RABGAP1L: variants seen among roughly 807,000 people sequenced by gnomAD.
RABGAP1L encodes RAB GTPase activating protein 1 like, also known as rab GTPase-activating protein 1-like.
In RABGAP1L, 63 loss-of-function variants were observed where a neutral mutation model predicts 137.7. The observed-to-expected ratio is 0.46, with a 90% confidence interval of 0.37 to 0.56. The LOEUF (loss-of-function observed/expected upper bound fraction) is 0.56, where lower values mean the gene tolerates loss of function less well. RABGAP1L is among the 20% of genes least tolerant of loss of function. The probability of loss-of-function intolerance (pLI) is 0.00; values close to 1 mark genes in which losing one functional copy is unlikely to be tolerated. For synonymous variants in RABGAP1L, 431 were observed against 433.7 expected, an observed-to-expected ratio of 0.99 and a Z score of 0.08; for missense variants, 1,095 against 1,244.0, an observed-to-expected ratio of 0.88 and a Z score of 1.80.
intron 11 of RABGAP1L, among the ~76,000 whole-genome samples, chr1:174,365,966 G>C (rs1184070860): frequency 6.6e-6 from 1 of 152,096 alleles, no homozygotes; most frequent in Non-Finnish European, 1.5e-5. Flanking sequence ...CCAGAAATCA[G>C]AGTGAAGGTA....
intron 13 of RABGAP1L, among the ~76,000 whole-genome samples, chr1:174,631,324 A>G (rs1044717300): frequency 1.4e-5 from 2 of 140,166 alleles, no homozygotes; most frequent in African/African-American, 3.0e-5. Flanking sequence ...TATGTGGTCA[A>G]TTATGGAATA....
At chr1:174,532,816 G>A (rs1455885876) in intron 13 of RABGAP1L, among the ~76,000 whole-genome samples, 1 of 152,066 alleles carries the variant, frequency 6.6e-6, no homozygotes, top group Non-Finnish European at 1.5e-5. Flanking sequence ...AAAAAAATGG[G>A]GAGTAAGAAA....
At chr1:174,552,829 T>A (rs1225555598) in intron 13 of RABGAP1L, among the ~76,000 whole-genome samples, 2 of 152,206 alleles carry the variant, frequency 1.3e-5, no homozygotes, top group African/African-American at 2.4e-5. Context: ...GGAACTAATT[T>A]ACACTCCCAT....
At chr1:174,359,761 G>A (rs1191755887) in intron 11 of RABGAP1L, among the ~76,000 whole-genome samples, 1 of 152,148 alleles carries the variant, frequency 6.6e-6, no homozygotes, top group Non-Finnish European at 1.5e-5. Flanking sequence ...GTAACCTTGG[G>A]CAAGTTACTT....
chr1:174,250,989 C>T (rs1571779020), intron 6 of RABGAP1L, among the ~76,000 whole-genome samples: 1 of 152,148 alleles, frequency 6.6e-6, no homozygotes, highest in African/African-American at 2.4e-5. Context: ...TTAGGAGAGA[C>T]GGGGTTTCAC....
At chr1:174,531,570 G>C (rs2147889019) in intron 13 of RABGAP1L, among the ~76,000 whole-genome samples, 1 of 152,284 alleles carries the variant, frequency 6.6e-6, no homozygotes, top group East Asian at 1.9e-4. Context: ...AAAAATGACT[G>C]TGTGGCTTAG....
At chr1:174,361,690 G>GT (rs1411358080) in intron 11 of RABGAP1L, among the ~76,000 whole-genome samples, 2 of 152,010 alleles carry the variant, frequency 1.3e-5, no homozygotes, top group Admixed American at 6.5e-5. Context: ...GGAGACTTCA[G>GT]TTTTTTCCAA....
chr1:174,641,674 G>C (rs919808512), intron 14 of RABGAP1L, among the ~76,000 whole-genome samples: 1 of 152,096 alleles, frequency 6.6e-6, no homozygotes, highest in Non-Finnish European at 1.5e-5. Context: ...AGACAGGTTG[G>C]TATAGTTTAA....
At chr1:174,277,736 T>C (rs1675121038) in intron 9 of RABGAP1L, among the ~76,000 whole-genome samples, 1 of 152,158 alleles carries the variant, frequency 6.6e-6, no homozygotes, top group Non-Finnish European at 1.5e-5. Context: ...ATCTTTCCAC[T>C]GCACTAAGAT....
At chr1:174,706,271 G>A (rs1489795331) in intron 17 of RABGAP1L, among the ~76,000 whole-genome samples, 1 of 152,106 alleles carries the variant, frequency 6.6e-6, no homozygotes, top group Non-Finnish European at 1.5e-5. Context: ...TTTATTTAAA[G>A]TATTTGCTTA....
intron 12 of RABGAP1L, among the ~76,000 whole-genome samples, chr1:174,385,905 A>G (rs923189256): frequency 5.9e-5 from 9 of 152,252 alleles, no homozygotes; most frequent in African/African-American, 2.2e-4. Context: ...GTTTTGCTAT[A>G]AAAGGATGAT....
At chr1:174,503,702 T>C (rs1200357575) in intron 13 of RABGAP1L, among the ~76,000 whole-genome samples, 1 of 142,784 alleles carries the variant, frequency 7.0e-6, no homozygotes, top group East Asian at 2.0e-4. Flanking sequence ...AAAAATCAGT[T>C]GTGTTCTATG....
At chr1:174,596,978 A>G (rs1352519325) in intron 13 of RABGAP1L, among the ~76,000 whole-genome samples, 2 of 152,146 alleles carry the variant, frequency 1.3e-5, no homozygotes, top group Non-Finnish European at 2.9e-5. Flanking sequence ...AAATGATCAT[A>G]TGGTCTACGT....
At chr1:174,443,075 T>G (rs939199925) in intron 13 of RABGAP1L, among the ~76,000 whole-genome samples, 11 of 152,160 alleles carry the variant, frequency 7.2e-5, no homozygotes, top group African/African-American at 2.7e-4. Flanking sequence ...TTGAATAATA[T>G]TTTATTGTAT....
intron 13 of RABGAP1L, among the ~76,000 whole-genome samples, chr1:174,602,622 C>T (rs1309341846): frequency 1.1e-4 from 17 of 152,104 alleles, no homozygotes; most frequent in Non-Finnish European, 2.4e-4. Context: ...AGGCATGCTC[C>T]ATTGTTTTTT....
intron 14 of RABGAP1L, among the ~76,000 whole-genome samples, chr1:174,643,941 G>GTA (rs60433266): frequency 2.2e-4 from 22 of 102,194 alleles, no homozygotes; most frequent in Non-Finnish European, 7.2e-5. Context: ...GTGTGTGTGT[G>GTA]TATGTATGTA....
chr1:174,668,527 T>C (rs1023935823), intron 14 of RABGAP1L, among the ~76,000 whole-genome samples: 1 of 152,196 alleles, frequency 6.6e-6, no homozygotes. Context: ...GACTCTTAGG[T>C]TGATTCTGTA....
intron 1 of RABGAP1L, among the ~76,000 whole-genome samples, chr1:174,195,616 T>TCTTTCTTCCTTCCTTCCTTCCTTC (rs1234228992): frequency 8.7e-5 from 5 of 57,570 alleles, no homozygotes; most frequent in Non-Finnish European, 1.6e-4. Context: ...TTTCTTTCTT[T>TCTTTCTTCCTTCCTTCCTTCCTTC]CTTCCTTCCT....
intron 19 of RABGAP1L, among the ~76,000 whole-genome samples, chr1:174,840,648 C>G (rs199533940): frequency 7.5e-5 from 10 of 133,126 alleles, no homozygotes; most frequent in African/African-American, 2.7e-4. Flanking sequence ...AAAAAAAAAA[C>G]AAAAAAAAAG....
Sources: gnomAD v4.1 joint callset for allele counts (sites outside exome capture counted in the v4.1 genomes callset) on GRCh38, gnomAD v4.1.1 for gene constraint, MANE v1.5 for transcripts, NCBI Gene and HGNC (gene_info 2026-07-23, HGNC 2026-07-21) for gene names.